ATP6V0A2: variants seen among roughly 807,000 people sequenced by gnomAD.
ATP6V0A2 encodes ATPase H+ transporting V0 subunit a2, also known as V-type proton ATPase 116 kDa subunit a 2.
In ATP6V0A2, 58 loss-of-function variants were observed where a neutral mutation model predicts 104.4. The ratio of observed to expected loss-of-function variants is 0.56; its 90% CI spans 0.45 to 0.69. ATP6V0A2 has a LOEUF of 0.69. Ranked by LOEUF, ATP6V0A2 falls within the 30% of genes least tolerant of loss-of-function variation. The probability of loss-of-function intolerance (pLI) is 0.00; values close to 1 mark genes in which losing one functional copy is unlikely to be tolerated. For synonymous variants in ATP6V0A2, 376 were observed against 397.9 expected (o/e 0.95, Z 0.65); for missense variants, 938 against 1,062.9 (o/e 0.88, Z 1.63).
chr12:123,756,096 A>C (rs1396955887), intron 18 of ATP6V0A2, among the ~76,000 whole-genome samples: 3 of 150,896 alleles, frequency 2.0e-5, no homozygotes, highest in African/African-American at 7.3e-5. Context: ...AAAAAAAAAA[A>C]AAACCGAAAA....
At chr12:123,742,188 G>A (rs1956616174) in intron 9 of ATP6V0A2, among the ~76,000 whole-genome samples, 1 of 152,220 alleles carries the variant, frequency 6.6e-6, no homozygotes, top group Admixed American at 6.5e-5. Flanking sequence ...CTCTTGGACT[G>A]GACAGAACTC....
intron 18 of ATP6V0A2, among the ~76,000 whole-genome samples, chr12:123,756,100 C>A (rs559899869): frequency 0.01 from 1,493 of 144,308 alleles, 13 homozygotes; most frequent in Non-Finnish European, 0.017. Flanking sequence ...AAAAAAAAAA[C>A]CGAAAAACAA....
chr12:123,724,432 G>A (rs1357856261), intron 3 of ATP6V0A2: 2 of 441,986 alleles, frequency 4.5e-6, no homozygotes, highest in Non-Finnish European at 8.5e-6. Flanking sequence ...GGGAGGCTGA[G>A]GCAAGAGAAT....
In ATP6V0A2 at chr12:123,761,053, C is replaced by T; in HGVS notation, c.*3021C>T. ...TCCCGAGTAGCTGGGATTACAGGCG[C>T]CTGCCACAGTGCCCGGCTAATTTTT... is the stretch of plus-strand genomic sequence containing the variant. On this transcript the variant is annotated 3_prime_UTR_variant, in exon 20 of 20. Coordinates refer to ENST00000330342, the MANE Select transcript of ATP6V0A2 (RefSeq NM_012463.4). The T allele has an allele frequency of 6.6e-6, 1 of 152,186 alleles. No homozygotes were observed. The highest frequency in any genetic ancestry group is 1.5e-5 in the Non-Finnish European group (1 of 68,084). 9.4% of individuals were successfully genotyped at this position (152,186 alleles called of 1,614,324 possible).
Position 123,737,148 on chromosome 12 carries a change from G to A in ATP6V0A2, c.915G>A (p.Met305Ile). 2 of 1,614,188 alleles carry A rather than the reference G, an allele frequency of 1.2e-6. No homozygotes were observed. The highest frequency in any genetic ancestry group is 1.7e-6 in the Non-Finnish European group (2 of 1,180,026). ...VYSRVIQVKK[M>I]KAIYHMLNMC... The stretch of plus-strand genomic sequence containing the variant: ...GCCGTGTGATCCAGGTGAAGAAAAT[G>A]AAGGCCATCTATCACATGCTGAACA... The change falls in exon 9 of 20, where the codon ATG (methionine) becomes ATA (isoleucine). Residue 305 changes from methionine to isoleucine, a missense_variant. Coordinates refer to ENST00000330342, the MANE Select transcript of ATP6V0A2 (RefSeq NM_012463.4).
Position 123,744,084 on chromosome 12 carries a change from A to G in ATP6V0A2, c.1190-117A>G. ...TATAAGGTTTTAAATGTAACCACAC[A>G]ATCCTATCTTGTGAATTCTGGAGAA... On this transcript the variant is annotated intron_variant, in intron 10 of 19. Transcript: ENST00000330342. The surrounding 1 kb of genome is among the most constrained non-coding windows in gnomAD (Gnocchi z 5.4). 1 of 1,548,184 alleles carries G rather than the reference A, an allele frequency of 6.5e-7. No homozygotes were observed. The highest frequency in any genetic ancestry group is 8.9e-7 in the Non-Finnish European group (1 of 1,122,176).
At chr12:123,725,036 A>G (rs558894898) in intron 4 of ATP6V0A2, among the ~76,000 whole-genome samples, 2 of 152,122 alleles carry the variant, frequency 1.3e-5, no homozygotes, top group Non-Finnish European at 2.9e-5. Flanking sequence ...TCCGGGTTCA[A>G]GAGATTGTCC....
At chr12:123,735,727 A>ATATT in intron 8 of ATP6V0A2, 103 bp downstream of exon 8, 1 of 998,668 alleles carries the variant, frequency 1.0e-6, no homozygotes, top group Non-Finnish European at 1.5e-6. Flanking sequence ...GTCGTAGACA[A>ATATT]ATCAAGATGT....
intron 16 of ATP6V0A2, 49 bp from the exon 17 acceptor site, chr12:123,752,234 C>A: frequency 6.2e-7 from 1 of 1,613,044 alleles, no homozygotes. Flanking sequence ...GGTTTTGTCA[C>A]AACCTTGTGG....
At chr12:123,751,351 C>G (rs1956712395) in intron 16 of ATP6V0A2, 122 bp downstream of exon 16, 5 of 1,478,356 alleles carry the variant, frequency 3.4e-6, no homozygotes, top group Non-Finnish European at 4.7e-6. Flanking sequence ...CCAAAGCTCC[C>G]TTTATTTAAA....
At chr12:123,735,005 G>GTCC (rs1956536730) in intron 7 of ATP6V0A2, among the ~76,000 whole-genome samples, 1 of 152,146 alleles carries the variant, frequency 6.6e-6, no homozygotes. Context: ...TATGAAGGTG[G>GTCC]TCCGGGAATG....
chr12:123,734,089 C>A, intron 7 of ATP6V0A2, 81 bp downstream of exon 7: 2 of 1,110,878 alleles, frequency 1.8e-6, no homozygotes, highest in South Asian at 1.3e-5. Context: ...CCTCTGGAGT[C>A]AGAAATAGAG....
In ATP6V0A2 at chr12:123,759,521, T is replaced by C. The variant is rs1379086522; in HGVS notation, c.*1489T>C. ...TTGACCTATATTCTTGCAAATTATG[T>C]TAATTTTTCATATTTTAGTTTGATT... is the stretch of plus-strand genomic sequence containing the variant. On this transcript the variant is annotated 3_prime_UTR_variant, in exon 20 of 20. Transcript: ENST00000330342. 1 of 152,278 alleles carries C rather than the reference T, an allele frequency of 6.6e-6. No individual in the cohort carries two copies. The highest frequency in any genetic ancestry group is 1.9e-4 in the East Asian group (1 of 5,208). 9.4% of individuals were successfully genotyped at this position (152,278 alleles called of 1,614,324 possible). A position where few individuals can be genotyped will look rare whatever the true frequency, so the allele number is the denominator to read the frequency against.
At chr12:123,746,072 G>A (rs1455069910) in intron 13 of ATP6V0A2, among the ~76,000 whole-genome samples, 1 of 152,142 alleles carries the variant, frequency 6.6e-6, no homozygotes, top group Non-Finnish European at 1.5e-5. Context: ...TGGAAACACG[G>A]CTACAACAAT....
At chr12:123,751,067 G>A (rs948886958) in intron 15 of ATP6V0A2, 43 bp from the exon 16 acceptor site, 1 of 1,613,558 alleles carries the variant, frequency 6.2e-7, no homozygotes, top group Admixed American at 1.7e-5. Flanking sequence ...CTGCAGGCAG[G>A]CCTTCACGTT....
chr12:123,743,575 C>T (rs147774063), intron 9 of ATP6V0A2, among the ~76,000 whole-genome samples: 8 of 152,106 alleles, frequency 5.3e-5, no homozygotes, highest in African/African-American at 1.7e-4. Flanking sequence ...ATCGCTTGAG[C>T]CTGGGAGGCA....
At chr12:123,749,270 CAG>C (rs1463928468) in intron 15 of ATP6V0A2, among the ~76,000 whole-genome samples, 1 of 152,282 alleles carries the variant, frequency 6.6e-6, no homozygotes. Context: ...GCCTGGGTGA[CAG>C]AGCAAGACCC....
chr12:123,712,925 T>A (rs1040143907), intron 1 of ATP6V0A2, among the ~76,000 whole-genome samples: 2 of 152,074 alleles, frequency 1.3e-5, no homozygotes, highest in Non-Finnish European at 2.9e-5. Flanking sequence ...GGATCGCCCG[T>A]GTGGTCTTCA....
intron 8 of ATP6V0A2, among the ~76,000 whole-genome samples, chr12:123,736,674 G>C (rs1956557238): frequency 2.0e-5 from 3 of 152,208 alleles, no homozygotes; most frequent in Admixed American, 1.3e-4. Flanking sequence ...ATGGGCGTTG[G>C]TGGCTCACAG....
Sources: gnomAD v4.1 joint callset for allele counts (sites outside exome capture counted in the v4.1 genomes callset) on GRCh38, gnomAD v4.1.1 for gene constraint, Gnocchi (gnomAD v3.1) non-coding constraint, MANE v1.5 for transcripts, NCBI Gene and HGNC (gene_info 2026-07-23, HGNC 2026-07-21) for gene names.